The following CNTN5 variants were observed in gnomAD, a reference collection of about 807,000 sequenced individuals.
CNTN5 encodes the protein contactin 5.
In CNTN5, 77 loss-of-function variants were observed where a neutral mutation model predicts 129.1. The observed-to-expected ratio is 0.60, with a 90% CI of 0.50 to 0.72. The LOEUF (loss-of-function observed/expected upper bound fraction) is 0.72, where lower values mean the gene tolerates loss of function less well. Among genes scored for constraint, CNTN5 ranks in the 30% least tolerant of loss-of-function variants. The pLI is 0.00. For missense variants in CNTN5, 1,478 were observed against 1,328.8 expected (o/e 1.11, Z -1.75); for synonymous variants, 509 against 465.6 (o/e 1.09, Z -1.20).
At chr11:99,864,801 G>C (rs1344600870) in intron 6 of CNTN5, among the ~76,000 whole-genome samples, 1 of 152,008 alleles carries the variant, frequency 6.6e-6, no homozygotes, top group Non-Finnish European at 1.5e-5. Flanking sequence ...TATTTTCTGT[G>C]TTTATAATCA....
At chr11:99,527,616 C>A (rs145722083) in intron 2 of CNTN5, among the ~76,000 whole-genome samples, 1 of 151,998 alleles carries the variant, frequency 6.6e-6, no homozygotes, top group Non-Finnish European at 1.5e-5. Flanking sequence ...AAAAAAATAA[C>A]CTCTCTATTT....
chr11:99,406,357 A>G (rs1942064811), intron 2 of CNTN5, among the ~76,000 whole-genome samples: 1 of 151,714 alleles, frequency 6.6e-6, no homozygotes, highest in South Asian at 2.1e-4. Context: ...GGATTACCAA[A>G]CAGACATTCT....
intron 3 of CNTN5, among the ~76,000 whole-genome samples, chr11:99,636,280 T>C (rs1286194334): frequency 6.6e-6 from 1 of 152,142 alleles, no homozygotes; most frequent in African/African-American, 2.4e-5. Context: ...AATTACCCAA[T>C]GAAAGTGAAA....
chr11:99,065,803 T>C (rs1027802273), intron 1 of CNTN5, among the ~76,000 whole-genome samples: 9 of 152,180 alleles, frequency 5.9e-5, no homozygotes, highest in Non-Finnish European at 7.4e-5. Context: ...TGATTCTTTT[T>C]ATAAAGTTAA....
At chr11:99,535,697 A>G (rs2135481036) in intron 2 of CNTN5, among the ~76,000 whole-genome samples, 1 of 152,294 alleles carries the variant, frequency 6.6e-6, no homozygotes, top group South Asian at 2.1e-4. Context: ...ATAGACAGCA[A>G]AGTAGAAATA....
chr11:99,221,388 T>C (rs937016887), intron 1 of CNTN5, among the ~76,000 whole-genome samples: 3 of 151,900 alleles, frequency 2.0e-5, no homozygotes, highest in Non-Finnish European at 1.5e-5. Context: ...TTTAGCTTAC[T>C]ACAGAATACC....
At chr11:99,117,231 T>C (rs1360510029) in intron 1 of CNTN5, among the ~76,000 whole-genome samples, 3 of 152,146 alleles carry the variant, frequency 2.0e-5, no homozygotes, top group African/African-American at 7.2e-5. Context: ...ATTTATAAGG[T>C]ATAGGCAAAT....
rs191780142 is a variant in CNTN5, at chr11:100,220,202, G to A, written c.1885-4490G>A. 6.8e-4 allele frequency among the ~76,000 whole-genome samples: 104 copies of A among 152,098 alleles called. 1 individual carries two copies. In the East Asian group the frequency reaches 0.018, roughly 27 times the overall value. On this transcript the variant is annotated intron_variant, in intron 15 of 24. Transcript: ENST00000524871. ...TAAGGCAGGAGAATGGTGCGAACCC[G>A]GGAGGCGGAGCTTGCAGTGAGCCAA...
chr11:100,197,896 C>T (rs1257781242), intron 15 of CNTN5, among the ~76,000 whole-genome samples: 1 of 151,832 alleles, frequency 6.6e-6, no homozygotes, highest in Non-Finnish European at 1.5e-5. Flanking sequence ...AGCCAAAGTG[C>T]TATATAGCTG....
chr11:99,801,711 C>T (rs1379801158), intron 3 of CNTN5, among the ~76,000 whole-genome samples: 1 of 152,086 alleles, frequency 6.6e-6, no homozygotes, highest in Non-Finnish European at 1.5e-5. Context: ...GTGCTTGGTG[C>T]AGTCTATTGA....
chr11:99,964,499 G>A (rs1951040217), intron 8 of CNTN5, among the ~76,000 whole-genome samples: 1 of 152,168 alleles, frequency 6.6e-6, no homozygotes, highest in African/African-American at 2.4e-5. Context: ...TGCATCCCAG[G>A]GATGAAGCCC....
chr11:99,464,570 G>T (rs773127038), intron 2 of CNTN5, among the ~76,000 whole-genome samples: 2 of 152,058 alleles, frequency 1.3e-5, no homozygotes, highest in Non-Finnish European at 2.9e-5. Context: ...AACAGGAAAA[G>T]GTGTCTGTTT....
chr11:99,823,506 A>G (rs1360001553), intron 4 of CNTN5, among the ~76,000 whole-genome samples: 2 of 152,078 alleles, frequency 1.3e-5, no homozygotes, highest in Non-Finnish European at 2.9e-5. Context: ...TGCTACAGAG[A>G]AAATCTGAAA....
chr11:99,552,253 T>C (rs1399319842), intron 2 of CNTN5, among the ~76,000 whole-genome samples: 1 of 151,684 alleles, frequency 6.6e-6, no homozygotes, highest in East Asian at 1.9e-4. Context: ...AAAAATTTAT[T>C]TCCTAGAGAC....
intron 18 of CNTN5, among the ~76,000 whole-genome samples, chr11:100,296,019 T>C (rs1231290836): frequency 3.3e-5 from 5 of 151,586 alleles, no homozygotes; most frequent in African/African-American, 1.2e-4. Context: ...CCACTATTTA[T>C]TTGACTATGC....
At chr11:100,021,724 G>C (rs911938373) in intron 9 of CNTN5, among the ~76,000 whole-genome samples, 1 of 152,084 alleles carries the variant, frequency 6.6e-6, no homozygotes, top group Non-Finnish European at 1.5e-5. Flanking sequence ...ACAAGGTGAA[G>C]TCCCACAGTA....
chr11:99,220,430 C>T (rs927421442), intron 1 of CNTN5, among the ~76,000 whole-genome samples: 11 of 151,866 alleles, frequency 7.2e-5, no homozygotes, highest in Admixed American at 4.6e-4. Flanking sequence ...CTATGAATTA[C>T]GATGTAGGAA....
chr11:99,699,248 G>T (rs906736386), intron 3 of CNTN5, among the ~76,000 whole-genome samples: 10 of 151,334 alleles, frequency 6.6e-5, no homozygotes, highest in Admixed American at 5.9e-4. Context: ...TAAATTTGAG[G>T]TAAAATTCAA....
chr11:100,005,666 G>GATCT (rs1940147498), intron 9 of CNTN5, among the ~76,000 whole-genome samples: 1 of 152,070 alleles, frequency 6.6e-6, no homozygotes, highest in Admixed American at 6.6e-5. Flanking sequence ...AAACTTTCTT[G>GATCT]ATCTACTGCC....
Sources: gnomAD v4.1 joint callset for allele counts (sites outside exome capture counted in the v4.1 genomes callset) on GRCh38, gnomAD v4.1.1 for gene constraint, MANE v1.5 for transcripts, NCBI Gene and HGNC (gene_info 2026-07-23, HGNC 2026-07-21) for gene names.